The following IQCE variants were observed in gnomAD, a reference collection of about 807,000 sequenced individuals.
IQCE encodes IQ domain-containing protein E.
Under a neutral mutation model 96.0 loss-of-function variants are expected in IQCE, and 115 were observed. The observed-to-expected ratio is 1.20, with a 90% CI of 1.03 to 1.40. The LOEUF is 1.40. IQCE is among the 40% of genes most tolerant of loss of function. The pLI, the probability that IQCE is intolerant of heterozygous loss-of-function variation, is 0.00. For synonymous variants in IQCE, 412 were observed against 371.2 expected (o/e 1.11, Z -1.26); for missense variants, 1,041 against 909.1 (o/e 1.15, Z -1.87).
chr7:2,586,063 C>T, intron 11 of IQCE, 145 bp from the exon 12 acceptor site: 2 of 669,544 alleles, frequency 3.0e-6, no homozygotes, highest in Non-Finnish European at 5.0e-6. Flanking sequence ...TTATTACTGC[C>T]TATTCGATTT....
At chr7:2,584,705 C>T (rs1007454995) in intron 11 of IQCE, 15 of 180,104 alleles carry the variant, frequency 8.3e-5, no homozygotes, top group Middle Eastern at 4.8e-3. Context: ...TCTCCCACAT[C>T]CCTTTCCCAA....
intron 1 of IQCE, among the ~76,000 whole-genome samples, chr7:2,561,685 T>G (rs1475375686): frequency 6.6e-6 from 1 of 152,204 alleles, no homozygotes; most frequent in Non-Finnish European, 1.5e-5. Flanking sequence ...CCTCCCAAAG[T>G]GCTGGGATTA....
At position 2,565,133 on chromosome 7, in the gene IQCE, A is replaced by AGTGTGTGT. The variant is rs35495754; in HGVS notation, c.37-1969_37-1962dup. On this transcript the variant is annotated intron_variant, in intron 1 of 21. Transcript: ENST00000402050. ...GTGAGTGCATGTGTGCATGTGTGTG[A>AGTGTGTGT]GTGTGTGTGTGTGTGTGTGTGCTGT... 6.8e-3 allele frequency among the ~76,000 whole-genome samples: 1,007 copies of AGTGTGTGT among 147,244 alleles called. 12 individuals are homozygous for AGTGTGTGT. The highest frequency in any genetic ancestry group is 0.023 in the African/African-American group (936 of 40,318).
At chr7:2,571,733 G>A in intron 4 of IQCE, 79 bp downstream of exon 4, 2 of 1,391,060 alleles carry the variant, frequency 1.4e-6, no homozygotes, top group East Asian at 2.3e-5. Context: ...TTGAGATGGA[G>A]TTTTTAATAT....
At chr7:2,573,708 A>G (rs891946193) in intron 6 of IQCE, among the ~76,000 whole-genome samples, 10 of 152,340 alleles carry the variant, frequency 6.6e-5, no homozygotes, top group Middle Eastern at 6.8e-3. Flanking sequence ...CTCATGTTCC[A>G]TCCGTGCTCT....
chr7:2,605,097 C>A, intron 19 of IQCE, 106 bp downstream of exon 19: 1 of 783,732 alleles, frequency 1.3e-6, no homozygotes, highest in Non-Finnish European at 2.1e-6. Flanking sequence ...CACATCCCCG[C>A]CCGCCCAGCA....
At chr7:2,584,412 T>A (rs1782938524) in intron 11 of IQCE, 127 bp downstream of exon 11, 1 of 860,804 alleles carries the variant, frequency 1.2e-6, no homozygotes. Context: ...CTGCCAACAC[T>A]GCACCTGTTC....
At chr7:2,571,284 A>C in intron 3 of IQCE, 1 of 426,602 alleles carries the variant, frequency 2.3e-6, no homozygotes, top group Non-Finnish European at 4.2e-6. Context: ...CTCCCAAGGT[A>C]TTGGTATTAT....
rs372065876 is a variant in IQCE at position 2,559,586 on chromosome 7, C to T, written c.36+369C>T. ...CGGATCCCGTGTGGCCCCAAGCCTTCGGGGTGGGAGGGAGGCAGCCCCAGG... is the reference window on the plus strand; with the variant it reads ...CGGATCCCGTGTGGCCCCAAGCCTTTGGGGTGGGAGGGAGGCAGCCCCAGG... On this transcript the variant is annotated intron_variant, in intron 1 of 21. Coordinates refer to ENST00000402050, the MANE Select transcript of IQCE (RefSeq NM_152558.5). 17 of 162,938 alleles carry T rather than the reference C, an allele frequency of 1.0e-4. No homozygotes were observed. The East Asian group carries it at 1.1e-3, about 10-fold the overall frequency. The allele number at this position is 162,938 out of a possible 1,614,324, so 10.1% of individuals were successfully genotyped here.
At chr7:2,580,513 G>A (rs1037866509) in intron 8 of IQCE, among the ~76,000 whole-genome samples, 5 of 152,138 alleles carry the variant, frequency 3.3e-5, no homozygotes, top group Non-Finnish European at 5.9e-5. Context: ...TCAGGAGGCT[G>A]AGGCAGAAGG....
At position 2,587,809 on chromosome 7, in the gene IQCE, T is replaced by A. The variant is rs1562653281; in HGVS notation, c.989-13T>A. 2 of 1,613,548 alleles carry A rather than the reference T, an allele frequency of 1.2e-6. No individual in the cohort carries two copies. Among genetic ancestry groups the A allele is most frequent in the Non-Finnish European group, 1.7e-6 (2 of 1,179,716 alleles). On this transcript the variant is annotated splice_polypyrimidine_tract_variant and intron_variant, in intron 12 of 21. Coordinates refer to ENST00000402050, the MANE Select transcript of IQCE (RefSeq NM_152558.5). ...ACCAGGATGCCGTTTTGAAACCGCA[T>A]TGCTTCCATCAGGTTATGTGGAGTG...
At chr7:2,607,456 T>G in intron 21 of IQCE, 1 of 1,314,142 alleles carries the variant, frequency 7.6e-7, no homozygotes, top group Non-Finnish European at 9.7e-7. Context: ...GTCCTTGCTG[T>G]CTTTATTTTT....
chr7:2,567,235 C>G, intron 2 of IQCE, 72 bp downstream of exon 2: 2 of 1,167,882 alleles, frequency 1.7e-6, no homozygotes, highest in Non-Finnish European at 2.6e-6. Flanking sequence ...CACTCGGAAG[C>G]GTAAAATAGG....
Position 2,607,207 on chromosome 7 carries a change from C to G in IQCE, c.1949C>G (p.Pro650Arg). 5 of 1,613,922 alleles carry G rather than the reference C, an allele frequency of 3.1e-6. No homozygotes were observed. Among genetic ancestry groups the G allele is most frequent in the Non-Finnish European group, 4.2e-6 (5 of 1,179,892 alleles). The change falls in exon 21 of 22, where the codon CCC (proline) becomes CGC (arginine). Residue 650 changes from proline (P) to arginine (R), a missense_variant. Physicochemically the swap from Pro to Arg is moderately radical, Grantham distance 103 (BLOSUM62 -2). Coordinates refer to ENST00000402050, the MANE Select transcript of IQCE (RefSeq NM_152558.5). Reference sequence around the variant, plus strand: ...ACACACGGGGACGCCTCCTCCCCACCCTTCCTCGCAGCTCTTCCTGGTAAT... The same window carrying G: ...ACACACGGGGACGCCTCCTCCCCACGCTTCCTCGCAGCTCTTCCTGGTAAT... ...SATHGDASSP[P>R]FLAALPDPSP...
chr7:2,578,412 G>T (rs1360612091), intron 7 of IQCE, 57 bp downstream of exon 7: 3 of 1,606,816 alleles, frequency 1.9e-6, no homozygotes, highest in Non-Finnish European at 2.6e-6. Context: ...GGCAGCATCT[G>T]CCAGCCAGCC....
At chr7:2,595,572 G>A (rs150689117) in intron 16 of IQCE, among the ~76,000 whole-genome samples, 18 of 152,346 alleles carry the variant, frequency 1.2e-4, no homozygotes, top group African/African-American at 4.3e-4. Flanking sequence ...CCCGGGGGCA[G>A]CTAGTCGCGG....
intron 3 of IQCE, 28 bp from the exon 4 acceptor site, chr7:2,571,498 C>T: frequency 6.2e-7 from 1 of 1,604,532 alleles, no homozygotes; most frequent in Non-Finnish European, 8.5e-7. Context: ...TGTCCGGCAC[C>T]TCTGAATCCA....
intron 3 of IQCE, among the ~76,000 whole-genome samples, chr7:2,570,481 C>T (rs898633330): frequency 2.0e-5 from 3 of 151,808 alleles, no homozygotes; most frequent in Non-Finnish European, 4.4e-5. Context: ...TCTGTGGTCC[C>T]GGGTAAGTGA....
chr7:2,599,496 T>G (rs970752842), intron 17 of IQCE, among the ~76,000 whole-genome samples: 1 of 151,826 alleles, frequency 6.6e-6, no homozygotes, highest in Non-Finnish European at 1.5e-5. Flanking sequence ...ACACCCGGCC[T>G]TTTTTTTCTT....
Sources: gnomAD v4.1 joint callset for allele counts (sites outside exome capture counted in the v4.1 genomes callset) on GRCh38, gnomAD v4.1.1 for gene constraint, MANE v1.5 for transcripts, NCBI Gene and HGNC (gene_info 2026-07-23, HGNC 2026-07-21) for gene names.